ATP2B2: variants seen among roughly 807,000 people sequenced by gnomAD.
ATP2B2 encodes the protein ATPase plasma membrane Ca2+ transporting 2.
A neutral mutation model predicts 120.0 loss-of-function variants in ATP2B2; 15 were observed. That is an observed-to-expected ratio of 0.12 (90% confidence interval 0.08 to 0.19). The LOEUF (loss-of-function observed/expected upper bound fraction) is 0.19, where lower values mean the gene tolerates loss of function less well. Among genes scored for constraint, ATP2B2 ranks in the 10% least tolerant of loss-of-function variants. The pLI is 1.00. For missense variants in ATP2B2, 1,045 were observed against 1,719.8 expected (o/e 0.61, Z 6.94); for synonymous variants, 694 against 700.3 (o/e 0.99, Z 0.14).
chr3:10,378,346 G>A lies in ATP2B2; in HGVS notation c.1107C>T (p.Asp369=), dbSNP rs752033239. The stretch of plus-strand genomic sequence containing the variant: ...TGCTGGCCTTCTTCCTGTCGTCAGC[G>A]TCGCCGCCCTCGGCACTCTTGAGGG... ...MQPLKSAEGG[D]ADDRKKASMH... is the part of the protein sequence containing the mutation. Residue 369 remains aspartate, a synonymous_variant, in exon 10 of 23, where the codon GAC becomes GAT. Coordinates refer to ENST00000360273, the MANE Select transcript of ATP2B2 (RefSeq NM_001001331.4). 27 of 1,607,592 alleles carry A rather than the reference G, an allele frequency of 1.7e-5. No individual in the cohort carries two copies. Among genetic ancestry groups the A allele is most frequent in the East Asian group, 6.7e-5 (3 of 44,900 alleles).
At chr3:10,636,876 C>T (rs1416448345) in intron 1 of ATP2B2, among the ~76,000 whole-genome samples, 1 of 152,164 alleles carries the variant, frequency 6.6e-6, no homozygotes, top group African/African-American at 2.4e-5. Context: ...CAGAGGGTCA[C>T]TCTTGAGTAT....
chr3:10,351,777 G>A (rs1044144410), intron 14 of ATP2B2, among the ~76,000 whole-genome samples: 1 of 152,210 alleles, frequency 6.6e-6, no homozygotes, highest in Non-Finnish European at 1.5e-5. Context: ...ACAAAGATAT[G>A]CAAAGGAGAT....
chr3:10,586,604 T>G (rs540983842), intron 2 of ATP2B2, among the ~76,000 whole-genome samples: 274 of 152,238 alleles, frequency 1.8e-3, no homozygotes, highest in Non-Finnish European at 3.2e-3. Context: ...CTCGAGAGAA[T>G]CTTTGCTTTT....
chr3:10,585,681 C>T (rs1007132677), intron 2 of ATP2B2, among the ~76,000 whole-genome samples: 2 of 151,856 alleles, frequency 1.3e-5, no homozygotes, highest in African/African-American at 2.4e-5. Context: ...CTCACCATTC[C>T]CTCTACCTGA....
intron 1 of ATP2B2, among the ~76,000 whole-genome samples, chr3:10,454,130 C>T (rs1383107425): frequency 6.6e-6 from 1 of 152,092 alleles, no homozygotes; most frequent in Admixed American, 6.5e-5. Flanking sequence ...ACTGAACAAT[C>T]CAGAGAGGAA....
chr3:10,687,181 C>T (rs1459925015), intron 1 of ATP2B2, among the ~76,000 whole-genome samples: 1 of 152,228 alleles, frequency 6.6e-6, no homozygotes, highest in East Asian at 1.9e-4. Flanking sequence ...CTGCCTTTTA[C>T]TTGCTGCCTT....
chr3:10,537,125 C>G (rs1439252376), intron 2 of ATP2B2, among the ~76,000 whole-genome samples: 1 of 152,196 alleles, frequency 6.6e-6, no homozygotes, highest in Non-Finnish European at 1.5e-5. Flanking sequence ...GTCAATACTA[C>G]TGTCATGATT....
Position 10,634,998 on chromosome 3 carries a change from G to A in ATP2B2, c.-459-15037C>T, listed in dbSNP as rs77596092. ...GGGTGTGTCAGGGAGACACAACAGC[G>A]TATGGGATTGGTTGTTCCTACGTGA... On this transcript the variant is annotated intron_variant, in intron 1 of 21. Transcript: ENST00000646379. 3.6e-3 allele frequency among the ~76,000 whole-genome samples: 552 copies of A among 152,214 alleles called. 2 individuals are homozygous for A. Among genetic ancestry groups the A allele is most frequent in the Non-Finnish European group, 6.3e-3 (429 of 68,004 alleles).
chr3:10,356,147 C>CGTGTGTGTGT (rs773018694), intron 14 of ATP2B2, among the ~76,000 whole-genome samples: 1 of 45,698 alleles, frequency 2.2e-5, no homozygotes, highest in African/African-American at 6.2e-5. Context: ...TTCCTTTGTG[C>CGTGTGTGTGT]GTGTGTGCGT....
In ATP2B2 at chr3:10,358,700, C is replaced by T. The variant is rs762788559; in HGVS notation, c.2127G>A (p.Val709=). 5.6e-6 allele frequency: 9 copies of T among 1,614,088 alleles called. No homozygotes were observed. In the Middle Eastern group the frequency reaches 8.2e-4, roughly 147 times the overall value. The change falls in exon 14 of 23, where the codon GTG becomes GTA. Residue 709 remains valine, a synonymous_variant. Coordinates refer to ENST00000360273, the MANE Select transcript of ATP2B2 (RefSeq NM_001001331.4). ...TGGCCCTGGGGCCTACCTCTGGCCG[C>T]ACCGGGTCCTCGATGCCCACCACGC... ...CICVVGIEDP[V]RPEVPEAIRK...
intron 2 of ATP2B2, among the ~76,000 whole-genome samples, chr3:10,572,809 G>T (rs1184964761): frequency 6.6e-6 from 1 of 152,204 alleles, no homozygotes; most frequent in Non-Finnish European, 1.5e-5. Flanking sequence ...TCTAACTTCA[G>T]TCTCTTCATT....
chr3:10,640,265 T>C (rs2070136530), intron 1 of ATP2B2, among the ~76,000 whole-genome samples: 1 of 152,138 alleles, frequency 6.6e-6, no homozygotes, highest in Non-Finnish European at 1.5e-5. Context: ...AGGGAATGAT[T>C]GGGGAACTAC....
At chr3:10,341,056 T>C (rs1380520455) in intron 19 of ATP2B2, among the ~76,000 whole-genome samples, 4 of 152,182 alleles carry the variant, frequency 2.6e-5, no homozygotes, top group Non-Finnish European at 5.9e-5. Context: ...GAGGACAGGA[T>C]ACCTGCGGGA....
At chr3:10,414,929 G>A (rs1245890568) in intron 2 of ATP2B2, among the ~76,000 whole-genome samples, 6 of 152,084 alleles carry the variant, frequency 3.9e-5, no homozygotes, top group African/African-American at 7.3e-5. Context: ...TTTCCACTAC[G>A]AGCATCCCAG....
At chr3:10,707,302 G>C (rs2071910318) in intron 1 of ATP2B2, among the ~76,000 whole-genome samples, 1 of 152,242 alleles carries the variant, frequency 6.6e-6, no homozygotes, top group Non-Finnish European at 1.5e-5. Context: ...GGGGCCAGGA[G>C]GAGGGGAGCT....
At chr3:10,532,373 A>G (rs1249806896) in intron 3 of ATP2B2, among the ~76,000 whole-genome samples, 1 of 152,238 alleles carries the variant, frequency 6.6e-6, no homozygotes, top group Admixed American at 6.5e-5. Flanking sequence ...TAGAGAGAAG[A>G]TGATGCATCT....
chr3:10,650,862 T>C (rs1009089173), intron 1 of ATP2B2, among the ~76,000 whole-genome samples: 8 of 152,180 alleles, frequency 5.3e-5, no homozygotes, highest in Admixed American at 2.0e-4. Context: ...GGGTTGAGCT[T>C]CCCAAGGCCA....
intron 2 of ATP2B2, among the ~76,000 whole-genome samples, chr3:10,574,334 C>T (rs2068194543): frequency 6.6e-6 from 1 of 152,156 alleles, no homozygotes; most frequent in South Asian, 2.1e-4. Context: ...GAGCTGTGCC[C>T]CGGGAGGCCC....
At chr3:10,397,608 G>C (rs1347523949) in intron 5 of ATP2B2, among the ~76,000 whole-genome samples, 1 of 152,178 alleles carries the variant, frequency 6.6e-6, no homozygotes, top group African/African-American at 2.4e-5. Flanking sequence ...TGGGCAAAGA[G>C]GAAGAAATGA....
Sources: gnomAD v4.1 joint callset for allele counts (sites outside exome capture counted in the v4.1 genomes callset) on GRCh38, gnomAD v4.1.1 for gene constraint, MANE v1.5 for transcripts, NCBI Gene and HGNC (gene_info 2026-07-23, HGNC 2026-07-21) for gene names.